Variants in RAD50 observed in about 807,000 individuals in gnomAD.
RAD50 encodes the protein DNA repair protein RAD50.
In RAD50, 132 loss-of-function variants were observed where a neutral mutation model predicts 168.8. That is an observed-to-expected ratio of 0.78 (90% CI 0.68 to 0.90). The LOEUF is 0.90. Among genes scored for constraint, RAD50 ranks in the 40% least tolerant of loss-of-function variants. The pLI is 0.00. For synonymous variants in RAD50, 525 were observed against 497.4 expected (o/e 1.06, Z -0.74); for missense variants, 1,347 against 1,534.4 (o/e 0.88, Z 2.04).
rs112974561 is a variant in RAD50 at position 132,589,522 on chromosome 5, C to T, written c.1246-109C>T. The T allele has an allele frequency of 5.5e-4, 462 of 842,026 alleles. 6 individuals carry two copies. The African/African-American group carries it at 6.2e-3, about 11-fold the overall frequency. The allele number at this position is 842,026 out of a possible 1,614,324, so 52.2% of individuals were successfully genotyped here. On this transcript the variant is annotated intron_variant, in intron 8 of 24. Coordinates refer to ENST00000378823, the MANE Select transcript of RAD50 (RefSeq NM_005732.4). ...GAATATATCCCTGCTGAGCAACACA[C>T]GACTGTACTTTTTTGTATTTTCTTC... is the stretch of plus-strand genomic sequence containing the variant.
intron 5 of RAD50, among the ~76,000 whole-genome samples, chr5:132,584,877 T>C (rs190790846): frequency 2.9e-3 from 410 of 140,050 alleles, no homozygotes; most frequent in South Asian, 0.01. Context: ...TTCTCACTCA[T>C]AGGTGGGAAT....
chr5:132,610,809 G>C (rs953005609), intron 19 of RAD50, among the ~76,000 whole-genome samples: 1 of 152,106 alleles, frequency 6.6e-6, no homozygotes, highest in African/African-American at 2.4e-5. Flanking sequence ...ATTCGCAGCA[G>C]CTCTCTGTAT....
chr5:132,573,999 C>T (rs1227857960), intron 2 of RAD50, among the ~76,000 whole-genome samples: 2 of 152,166 alleles, frequency 1.3e-5, no homozygotes, highest in African/African-American at 4.8e-5. Context: ...GTGTTGAGTG[C>T]CTGCAGTTTT....
At chr5:132,601,036 CA>C (rs1348503118) in intron 13 of RAD50, among the ~76,000 whole-genome samples, 3 of 150,224 alleles carry the variant, frequency 2.0e-5, no homozygotes, top group African/African-American at 7.3e-5. Flanking sequence ...AAAAGAAAAA[CA>C]AACCCAGAGA....
At chr5:132,581,441 T>C (rs1256141380) in intron 5 of RAD50, among the ~76,000 whole-genome samples, 2 of 152,190 alleles carry the variant, frequency 1.3e-5, no homozygotes, top group African/African-American at 4.8e-5. Flanking sequence ...TATTTTGACT[T>C]TTCTTTTAAA....
At chr5:132,638,329 A>C (rs1451330712) in intron 23 of RAD50, 106 bp downstream of exon 23, 10 of 1,318,154 alleles carry the variant, frequency 7.6e-6, no homozygotes, top group South Asian at 6.2e-5. Flanking sequence ...AATGGTGGGA[A>C]GCTCTTTGCT....
At chr5:132,639,182 G>A (rs779027528) in intron 23 of RAD50, among the ~76,000 whole-genome samples, 1 of 151,868 alleles carries the variant, frequency 6.6e-6, no homozygotes, top group African/African-American at 2.4e-5. Context: ...GTGAAACTCC[G>A]TCTCTATTAA....
intron 9 of RAD50, among the ~76,000 whole-genome samples, chr5:132,590,498 G>A (rs1750679343): frequency 6.6e-6 from 1 of 152,042 alleles, no homozygotes; most frequent in African/African-American, 2.4e-5. Flanking sequence ...ACTTGCCAAA[G>A]TTTTAAAAAA....
chr5:132,636,859 A>C (rs1387299452), intron 21 of RAD50, among the ~76,000 whole-genome samples: 2 of 152,164 alleles, frequency 1.3e-5, no homozygotes, highest in Non-Finnish European at 2.9e-5. Flanking sequence ...GTTGTATCCT[A>C]GAGAGTGAAT....
intron 7 of RAD50, among the ~76,000 whole-genome samples, chr5:132,588,354 T>C (rs569981282): frequency 6.6e-6 from 1 of 152,304 alleles, no homozygotes; most frequent in African/African-American, 2.4e-5. Context: ...AGAGTCCTTG[T>C]AGTATTGGAA....
At chr5:132,577,094 C>T (rs1029887980) in intron 3 of RAD50, among the ~76,000 whole-genome samples, 1 of 152,186 alleles carries the variant, frequency 6.6e-6, no homozygotes, top group African/African-American at 2.4e-5. Context: ...GGGCTAAAAT[C>T]AAGATGTTAG....
intron 16 of RAD50, among the ~76,000 whole-genome samples, chr5:132,608,342 C>T (rs1751020001): frequency 6.6e-6 from 1 of 152,158 alleles, no homozygotes; most frequent in African/African-American, 2.4e-5. Flanking sequence ...TGGTTAAGAG[C>T]GTGAACTCTG....
At chr5:132,639,478 T>C (rs1186724285) in intron 23 of RAD50, among the ~76,000 whole-genome samples, 1 of 152,196 alleles carries the variant, frequency 6.6e-6, no homozygotes, top group Non-Finnish European at 1.5e-5. Context: ...AATGACAAAC[T>C]TGTGATCTGT....
chr5:132,592,711 T>C (rs1431232575), intron 11 of RAD50: 2 of 414,486 alleles, frequency 4.8e-6, no homozygotes, highest in Admixed American at 5.0e-5. Context: ...TTGCTTTGAC[T>C]GGACCACTTC....
At chr5:132,626,205 A>C (rs1462555126) in intron 21 of RAD50, among the ~76,000 whole-genome samples, 1 of 152,162 alleles carries the variant, frequency 6.6e-6, no homozygotes, top group Non-Finnish European at 1.5e-5. Context: ...CTGTTGATGG[A>C]CACTTAGGTT....
Position 132,559,004 on chromosome 5 carries a change from CTTA to C in RAD50, c.130-273_130-271del, listed in dbSNP as rs535243015. ...ATACAGTACTTAACTGTTAGCCATT[CTTA>C]TTATTAACTTAAATTAGTTTAAAGG... On this transcript the variant is annotated intron_variant, in intron 1 of 24. Coordinates refer to ENST00000378823, the MANE Select transcript of RAD50 (RefSeq NM_005732.4). Among the ~76,000 whole-genome samples, 13 of 152,220 alleles carry C rather than the reference CTTA, an allele frequency of 8.5e-5. No individual in the cohort carries two copies. In the South Asian group the frequency reaches 2.5e-3, roughly 29 times the overall value.
chr5:132,623,457 G>A (rs975349150), intron 21 of RAD50, among the ~76,000 whole-genome samples: 1 of 152,116 alleles, frequency 6.6e-6, no homozygotes, highest in African/African-American at 2.4e-5. Context: ...CTCCAGCCTG[G>A]GCAACAGAAC....
intron 4 of RAD50, 77 bp downstream of exon 4, chr5:132,579,579 C>A (rs556388308): frequency 1.4e-6 from 2 of 1,463,358 alleles, no homozygotes; most frequent in African/African-American, 2.8e-5. Flanking sequence ...TTCTTTTTAA[C>A]AGAAAAAATT....
At position 132,557,038 on chromosome 5, in the gene RAD50, T is replaced by A. The variant is rs1433223927; in HGVS notation, c.-287T>A. ...AGTGCGCGGTTGCGGGGTCGCATTG[T>A]GGCTACGGCTTTGCGTCCCCGGCGG... On this transcript the variant is annotated 5_prime_UTR_variant, in exon 1 of 25. Coordinates refer to ENST00000378823, the MANE Select transcript of RAD50 (RefSeq NM_005732.4). 1.5e-6 allele frequency: 1 copy of A among 655,886 alleles called. No individual in the cohort carries two copies. Among genetic ancestry groups the A allele is most frequent in the South Asian group, 1.9e-5 (1 of 52,092 alleles). The allele number at this position is 655,886 out of a possible 1,614,324, so 40.6% of individuals were successfully genotyped here.
Sources: allele counts gnomAD v4.1 joint callset (sites outside exome capture counted in the v4.1 genomes callset), GRCh38; gene constraint gnomAD v4.1.1; transcripts MANE v1.5; gene names NCBI Gene and HGNC (gene_info 2026-07-23, HGNC 2026-07-21).